Variants in MGAM2 observed in about 807,000 individuals in gnomAD.
MGAM2 encodes the protein maltase-glucoamylase 2 (putative).
Under a neutral mutation model 96.1 loss-of-function variants are expected in MGAM2, and 98 were observed. That is an observed-to-expected ratio of 1.02 (90% CI 0.87 to 1.21). The LOEUF (loss-of-function observed/expected upper bound fraction) is 1.21, where lower values mean the gene tolerates loss of function less well. MGAM2 is among the 50% of genes most tolerant of loss of function. MGAM2 has a pLI of 0.00. For synonymous variants in MGAM2, 749 were observed against 414.8 expected (o/e 1.81, Z -9.79); for missense variants, 2,055 against 1,182.4 (o/e 1.74, Z -10.82).
At chr7:142,139,124 T>TA (rs1795142933) in intron 10 of MGAM2, among the ~76,000 whole-genome samples, 1 of 152,150 alleles carries the variant, frequency 6.6e-6, no homozygotes, top group African/African-American at 2.4e-5. Flanking sequence ...TATAATGACT[T>TA]ACAGTAAATG....
rs529004427 is a variant in MGAM2, at chr7:142,182,963, G to A, written c.3817-303G>A. 6.6e-5 allele frequency among the ~76,000 whole-genome samples: 10 copies of A among 152,170 alleles called. No homozygotes were observed. In the South Asian group the frequency reaches 1.0e-3, roughly 16 times the overall value. ...TTACAGGTTGGGGTGGTAACTTTTT[G>A]TAGTATAGAAAGGCTCCTTCATTTG... On this transcript the variant is annotated intron_variant, in intron 32 of 47. Coordinates refer to ENST00000477922, the MANE Select transcript of MGAM2 (RefSeq NM_001293626.2).
chr7:142,164,911 T>C lies in MGAM2; in HGVS notation c.2540T>C (p.Met847Thr), dbSNP rs1245793654. The change falls in exon 24 of 48, where the codon ATG becomes ACG. Residue 847 changes from methionine (M) to threonine (T), a missense_variant. Transcript: ENST00000477922. The part of the protein sequence containing the change: ...NNNYMDTDNL[M>T]FTDITILGMD... The stretch of plus-strand genomic sequence containing the variant: ...AATTATATGGACACTGACAACCTCA[T>C]GTTCACAGATATCACAATCTTGGGA... 5 of 702,698 alleles carry C rather than the reference T, an allele frequency of 7.1e-6. No homozygotes were observed. The highest frequency in any genetic ancestry group is 6.0e-5 in the Admixed American group (3 of 49,980). 43.5% of individuals were successfully genotyped at this position (702,698 alleles called of 1,614,324 possible). A position where few individuals can be genotyped will look rare whatever the true frequency, so the allele number is the denominator to read the frequency against.
chr7:142,149,603 C>CAG (rs1374084306), intron 15 of MGAM2, among the ~76,000 whole-genome samples: 1 of 151,702 alleles, frequency 6.6e-6, no homozygotes, highest in Non-Finnish European at 1.5e-5. Flanking sequence ...TGCAGTGGTG[C>CAG]GATCTCGGCT....
At chr7:142,123,854 T>C (rs916366491) in intron 3 of MGAM2, among the ~76,000 whole-genome samples, 9 of 152,074 alleles carry the variant, frequency 5.9e-5, no homozygotes. Context: ...GTCAGAAAAA[T>C]ATATTACTAT....
chr7:142,180,479 G>A (rs1486601329), intron 32 of MGAM2, among the ~76,000 whole-genome samples: 1 of 152,022 alleles, frequency 6.6e-6, no homozygotes, highest in East Asian at 1.9e-4. Context: ...TCTCGATGTA[G>A]GCACTTATGG....
At chr7:142,208,080 C>T (rs1023474251) in intron 45 of MGAM2, 14 of 429,584 alleles carry the variant, frequency 3.3e-5, no homozygotes, top group Non-Finnish European at 6.1e-5. Flanking sequence ...ACTATTATCT[C>T]CATTCTATAG....
intron 36 of MGAM2, 83 bp downstream of exon 36, chr7:142,187,917 A>G: frequency 1.5e-6 from 1 of 659,564 alleles, no homozygotes; most frequent in Middle Eastern, 3.8e-4. Context: ...AGTGAAGCCT[A>G]ATGTTGAAGA....
intron 26 of MGAM2, among the ~76,000 whole-genome samples, chr7:142,168,582 A>G (rs1796098944): frequency 6.6e-6 from 1 of 152,122 alleles, no homozygotes; most frequent in Non-Finnish European, 1.5e-5. Context: ...GAGAATCTGC[A>G]TTTCTAACAA....
chr7:142,123,348 T>C (rs1019126823), intron 3 of MGAM2, among the ~76,000 whole-genome samples: 2 of 152,168 alleles, frequency 1.3e-5, no homozygotes, highest in Non-Finnish European at 2.9e-5. Context: ...TTTCAGTCTA[T>C]AGGATATGTA....
At chr7:142,128,593 C>T (rs1305658733) in intron 3 of MGAM2, among the ~76,000 whole-genome samples, 2 of 152,198 alleles carry the variant, frequency 1.3e-5, no homozygotes, top group Non-Finnish European at 1.5e-5. Flanking sequence ...TCCTGTGTCC[C>T]AGCAGCTCCA....
At chr7:142,135,314 T>C (rs1041405057) in intron 7 of MGAM2, among the ~76,000 whole-genome samples, 12 of 152,334 alleles carry the variant, frequency 7.9e-5, no homozygotes, top group South Asian at 2.1e-4. Context: ...CTGGCAAATA[T>C]TGAATACTAT....
chr7:142,152,803 T>C (rs537147587), intron 15 of MGAM2, among the ~76,000 whole-genome samples: 1 of 152,172 alleles, frequency 6.6e-6, no homozygotes, highest in Admixed American at 6.5e-5. Flanking sequence ...ATGTGGGCTT[T>C]TTACCACAGG....
intron 7 of MGAM2, among the ~76,000 whole-genome samples, chr7:142,135,048 A>G (rs1162240531): frequency 6.6e-6 from 1 of 152,212 alleles, no homozygotes; most frequent in Non-Finnish European, 1.5e-5. Flanking sequence ...ATAGGTTTGT[A>G]GAGCATGTCT....
chr7:142,185,009 A>G (rs1796651548), intron 33 of MGAM2, 68 bp from the exon 34 acceptor site: 1 of 687,320 alleles, frequency 1.5e-6, no homozygotes, highest in African/African-American at 1.8e-5. Context: ...AGAGTCTAAC[A>G]CATGAAATAT....
At chr7:142,125,794 T>C (rs922275330) in intron 3 of MGAM2, among the ~76,000 whole-genome samples, 2 of 152,184 alleles carry the variant, frequency 1.3e-5, no homozygotes, top group African/African-American at 4.8e-5. Flanking sequence ...AAATGAGTAG[T>C]GTTGTGACAT....
chr7:142,182,712 C>T (rs921297495), intron 32 of MGAM2, among the ~76,000 whole-genome samples: 1 of 152,210 alleles, frequency 6.6e-6, no homozygotes, highest in African/African-American at 2.4e-5. Context: ...CTGTTCAGTG[C>T]CAGGAGCTGG....
At chr7:142,189,325 C>A in intron 36 of MGAM2, 42 bp from the exon 37 acceptor site, 1 of 626,698 alleles carries the variant, frequency 1.6e-6, no homozygotes, top group Non-Finnish European at 2.9e-6. Flanking sequence ...AGTGAATGTG[C>A]AAATCATGTT....
rs1360726968 is a variant in MGAM2, at chr7:142,197,810, T to C, written c.4866+82T>C. 4 of 697,406 alleles carry C rather than the reference T, an allele frequency of 5.7e-6. No homozygotes were observed. In the East Asian group the frequency reaches 8.1e-5, roughly 14 times the overall value. 43.2% of individuals were successfully genotyped at this position (697,406 alleles called of 1,614,324 possible). ...AAAAGCATTTTAAAGATCATCTTAT[T>C]TTGTCCAGCTCACTATTTTCAGGCG... On this transcript the variant is annotated intron_variant, in intron 42 of 47. Transcript: ENST00000477922.
At chr7:142,132,467 T>A (rs1794919488) in intron 6 of MGAM2, among the ~76,000 whole-genome samples, 1 of 139,358 alleles carries the variant, frequency 7.2e-6, no homozygotes, top group East Asian at 2.1e-4. Flanking sequence ...ATTTAAATTA[T>A]AAAATTATAA....
Sources: gnomAD v4.1 joint callset for allele counts (sites outside exome capture counted in the v4.1 genomes callset) on GRCh38, gnomAD v4.1.1 for gene constraint, MANE v1.5 for transcripts, NCBI Gene and HGNC (gene_info 2026-07-23, HGNC 2026-07-21) for gene names.